The following KIRREL1 variants were observed in gnomAD, a reference collection of about 807,000 sequenced individuals.
The protein encoded by KIRREL1 is kirre like nephrin family adhesion molecule 1.
KIRREL1 carries 25 observed loss-of-function variants against 83.3 expected under a neutral mutation model. That is an observed-to-expected ratio of 0.30 (90% confidence interval 0.22 to 0.42). The LOEUF (loss-of-function observed/expected upper bound fraction) is 0.42, where lower values mean the gene tolerates loss of function less well. Among genes scored for constraint, KIRREL1 ranks in the 10% least tolerant of loss-of-function variants. The pLI, the probability that KIRREL1 is intolerant of heterozygous loss-of-function variation, is 1.00. For missense variants in KIRREL1, 812 were observed against 1,032.3 expected (o/e 0.79, Z 2.92); for synonymous variants, 388 against 410.4 (o/e 0.95, Z 0.66).
chr1:158,030,126 C>A (rs1400744639), intron 1 of KIRREL1, among the ~76,000 whole-genome samples: 1 of 152,150 alleles, frequency 6.6e-6, no homozygotes, highest in Non-Finnish European at 1.5e-5. Context: ...CCTGAAGTTA[C>A]CCACATGAAA....
intron 1 of KIRREL1, among the ~76,000 whole-genome samples, chr1:158,057,161 C>T (rs774591325): frequency 1.4e-4 from 21 of 152,148 alleles, no homozygotes; most frequent in Non-Finnish European, 2.9e-4. Flanking sequence ...TGAGTCCCTG[C>T]CCCCAGCACT....
At chr1:158,008,564 G>A (rs1186000546) in intron 1 of KIRREL1, among the ~76,000 whole-genome samples, 2 of 152,206 alleles carry the variant, frequency 1.3e-5, no homozygotes, top group Non-Finnish European at 1.5e-5. Context: ...CATCACAACA[G>A]GACCTGGACC....
intron 1 of KIRREL1, among the ~76,000 whole-genome samples, chr1:158,039,407 C>T (rs1171624178): frequency 2.0e-5 from 3 of 152,124 alleles, no homozygotes; most frequent in African/African-American, 7.2e-5. Context: ...CCTTTATGGC[C>T]CCTCATTCCC....
At chr1:158,061,617 T>C (rs1428238181) in intron 1 of KIRREL1, among the ~76,000 whole-genome samples, 1 of 152,154 alleles carries the variant, frequency 6.6e-6, no homozygotes, top group Admixed American at 6.5e-5. Context: ...TGGCCTCTCC[T>C]CTGGCTGGCA....
intron 10 of KIRREL1, 55 bp downstream of exon 10, chr1:158,089,873 C>A: frequency 5.4e-6 from 8 of 1,473,600 alleles, no homozygotes; most frequent in Non-Finnish European, 5.7e-6. Flanking sequence ...TTTGCCCAGG[C>A]CCAGCCTCCT....
chr1:158,027,221 C>G (rs1047928754), intron 1 of KIRREL1, among the ~76,000 whole-genome samples: 3 of 152,180 alleles, frequency 2.0e-5, no homozygotes, highest in African/African-American at 7.2e-5. Context: ...AACACATTTA[C>G]TGGTTTTTCA....
intron 1 of KIRREL1, among the ~76,000 whole-genome samples, chr1:158,025,901 C>T (rs1394274062): frequency 6.6e-6 from 1 of 151,954 alleles, no homozygotes; most frequent in Non-Finnish European, 1.5e-5. Flanking sequence ...TGCCCTCCCC[C>T]AGCAGAAGGG....
At chr1:158,076,075 C>T in intron 1 of KIRREL1, 38 bp from the exon 2 acceptor site, 1 of 1,597,034 alleles carries the variant, frequency 6.3e-7, no homozygotes, top group East Asian at 2.3e-5. Flanking sequence ...AGCCCCTCTC[C>T]TTACTCATCT....
intron 1 of KIRREL1, among the ~76,000 whole-genome samples, chr1:158,004,848 G>A (rs1659471488): frequency 6.6e-6 from 1 of 152,232 alleles, no homozygotes; most frequent in Non-Finnish European, 1.5e-5. Flanking sequence ...GGAGGCTGAG[G>A]TGGGAGGATC....
intron 1 of KIRREL1, among the ~76,000 whole-genome samples, chr1:158,009,738 T>C (rs983689999): frequency 2.0e-5 from 3 of 152,226 alleles, no homozygotes; most frequent in Admixed American, 6.5e-5. Context: ...TGAAAGCTCA[T>C]TGGCACCCAG....
At chr1:158,010,374 CTGAGAATGT>C in intron 1 of KIRREL1, among the ~76,000 whole-genome samples, 1 of 129,378 alleles carries the variant, frequency 7.7e-6, no homozygotes, top group African/African-American at 3.1e-5. Context: ...CCACACAGTC[CTGAGAATGT>C]CACACACATG....
At chr1:158,067,321 A>T (rs1456596696) in intron 1 of KIRREL1, among the ~76,000 whole-genome samples, 3 of 152,200 alleles carry the variant, frequency 2.0e-5, no homozygotes, top group Non-Finnish European at 2.9e-5. Context: ...CCTATGCCGG[A>T]TACCTCATCT....
intron 1 of KIRREL1, among the ~76,000 whole-genome samples, chr1:158,009,935 G>A (rs561539920): frequency 2.8e-4 from 43 of 152,190 alleles, no homozygotes; most frequent in Non-Finnish European, 5.7e-4. Flanking sequence ...ATATTCAGGA[G>A]GCAGTATGGA....
At chr1:158,057,795 G>A (rs1335754036) in intron 1 of KIRREL1, among the ~76,000 whole-genome samples, 2 of 152,276 alleles carry the variant, frequency 1.3e-5, no homozygotes, top group African/African-American at 4.8e-5. Flanking sequence ...CAAGAGACCT[G>A]GATTTCTAGT....
rs552469100 is a variant in KIRREL1, at chr1:158,078,085, G to A, written c.297G>A (p.Glu99=). Residue 99 remains glutamate, a synonymous_variant, in exon 3 of 15, where the codon GAG becomes GAA. Coordinates refer to ENST00000359209, the MANE Select transcript of KIRREL1 (RefSeq NM_018240.7). ...DAELSDDASY[E]CQATEAALRS... is the part of the protein sequence containing the mutation. ...AGCTCTCTGACGACGCCTCTTACGA[G>A]TGCCAGGCCACGGAGGCCGCCCTGC... The A allele has an allele frequency of 1.2e-6, 2 of 1,614,016 alleles. No individual in the cohort carries two copies. Among genetic ancestry groups the A allele is most frequent in the African/African-American group, 1.3e-5 (1 of 74,914 alleles).
chr1:158,020,600 C>CAAAAAAGAAAAAAAAAA (rs1659978528), intron 1 of KIRREL1, among the ~76,000 whole-genome samples: 1 of 83,678 alleles, frequency 1.2e-5, no homozygotes, highest in Non-Finnish European at 2.1e-5. Context: ...TACAGTAAAT[C>CAAAAAAGAAAAAAAAAA]AAAAAAAAAA....
intron 1 of KIRREL1, among the ~76,000 whole-genome samples, chr1:158,028,150 C>T (rs1469886587): frequency 6.6e-6 from 1 of 152,190 alleles, no homozygotes; most frequent in Non-Finnish European, 1.5e-5. Context: ...GCCGGAATGC[C>T]GTCTCTCTCC....
intron 1 of KIRREL1, among the ~76,000 whole-genome samples, chr1:158,056,213 T>C (rs1050952719): frequency 3.3e-5 from 5 of 152,220 alleles, no homozygotes; most frequent in Admixed American, 6.5e-5. Context: ...TGGGCTTGCC[T>C]GGAGGCCACT....
At chr1:158,017,429 C>T (rs1390921557) in intron 1 of KIRREL1, among the ~76,000 whole-genome samples, 3 of 152,028 alleles carry the variant, frequency 2.0e-5, no homozygotes, top group African/African-American at 4.8e-5. Flanking sequence ...CAGTGGCTCA[C>T]GCCTTTAATC....
Sources: gnomAD v4.1 joint callset for allele counts (sites outside exome capture counted in the v4.1 genomes callset) on GRCh38, gnomAD v4.1.1 for gene constraint, MANE v1.5 for transcripts, NCBI Gene and HGNC (gene_info 2026-07-23, HGNC 2026-07-21) for gene names.